The following TENM3 variants were observed in gnomAD, a reference collection of about 807,000 sequenced individuals.
TENM3 encodes the protein teneurin transmembrane protein 3.
TENM3 carries 63 observed loss-of-function variants against 255.1 expected under a neutral mutation model. The ratio of observed to expected loss-of-function variants is 0.25; its 90% CI spans 0.20 to 0.30. The LOEUF (loss-of-function observed/expected upper bound fraction) is 0.30. TENM3 is among the 10% of genes least tolerant of loss of function. TENM3 has a pLI of 1.00. For missense variants in TENM3, 2,929 were observed against 3,461.1 expected (o/e 0.85, Z 3.86); for synonymous variants, 1,306 against 1,322.3 (o/e 0.99, Z 0.27).
intron 3 of TENM3, among the ~76,000 whole-genome samples, chr4:182,539,139 A>G (rs1414130266): frequency 6.6e-6 from 1 of 151,156 alleles, no homozygotes; most frequent in East Asian, 2.0e-4. Flanking sequence ...GTGGCTTAGT[A>G]AAGGGACAAG....
At chr4:181,714,399 C>T in the TENM3 span, among the ~76,000 whole-genome samples, 1 of 152,148 alleles carries the variant, frequency 6.6e-6, no homozygotes, top group South Asian at 2.1e-4. Context: ...GCTATGTTCA[C>T]ACCACTGCAC....
chr4:182,222,639 A>G (rs947604012), intron 1 of TENM3, among the ~76,000 whole-genome samples: 1 of 152,248 alleles, frequency 6.6e-6, no homozygotes, highest in Non-Finnish European at 1.5e-5. Context: ...GAAATCGTGC[A>G]TCATCATAAG....
chr4:181,703,921 A>G, the TENM3 span, among the ~76,000 whole-genome samples: 5 of 152,150 alleles, frequency 3.3e-5, no homozygotes, highest in Non-Finnish European at 7.4e-5. Context: ...CGCTTGCATA[A>G]GAAATATAAC....
chr4:182,154,158 A>G (rs1248328054), intron 1 of TENM3, among the ~76,000 whole-genome samples: 1 of 151,942 alleles, frequency 6.6e-6, no homozygotes, highest in African/African-American at 2.4e-5. Flanking sequence ...TTTCCTTAAA[A>G]GAAAGATCTC....
the TENM3 span, among the ~76,000 whole-genome samples, chr4:181,678,230 A>C: frequency 6.6e-6 from 1 of 152,252 alleles, no homozygotes; most frequent in Non-Finnish European, 1.5e-5. Context: ...GAATTGTAAT[A>C]ACTTTTTTGA....
the TENM3 span, among the ~76,000 whole-genome samples, chr4:182,016,462 G>A: frequency 2.4e-4 from 37 of 152,258 alleles, no homozygotes; most frequent in Non-Finnish European, 4.4e-4. Context: ...TGAACCTACC[G>A]TCCCCAGTGA....
chr4:182,146,256 C>T (rs1378591145), intron 1 of TENM3, among the ~76,000 whole-genome samples: 1 of 152,126 alleles, frequency 6.6e-6, no homozygotes, highest in Non-Finnish European at 1.5e-5. Flanking sequence ...TCTAAAACTT[C>T]GAGCATGTAT....
the TENM3 span, among the ~76,000 whole-genome samples, chr4:181,627,771 T>C: frequency 6.6e-6 from 1 of 152,238 alleles, no homozygotes; most frequent in Admixed American, 6.5e-5. Context: ...GTCTTTGCTA[T>C]TGTGAATAGT....
At chr4:182,454,936 C>T (rs1382683764) in intron 3 of TENM3, among the ~76,000 whole-genome samples, 1 of 152,124 alleles carries the variant, frequency 6.6e-6, no homozygotes, top group Non-Finnish European at 1.5e-5. Context: ...TGGAGTTTAG[C>T]GTATGCTTCA....
chr4:181,939,100 A>G, the TENM3 span, among the ~76,000 whole-genome samples: 1 of 152,232 alleles, frequency 6.6e-6, no homozygotes, highest in African/African-American at 2.4e-5. Context: ...GAAGATAATA[A>G]TTATAACAGT....
chr4:181,683,511 T>G, the TENM3 span, among the ~76,000 whole-genome samples: 1,744 of 152,250 alleles, frequency 0.011, 34 homozygotes, highest in African/African-American at 0.04. Flanking sequence ...GTAAGTCTAG[T>G]GGGGGGGCCA....
chr4:181,882,595 T>C, the TENM3 span, among the ~76,000 whole-genome samples: 2 of 152,196 alleles, frequency 1.3e-5, no homozygotes, highest in Non-Finnish European at 2.9e-5. Context: ...TGACCCTCGT[T>C]AGTTAGACTT....
intron 3 of TENM3, among the ~76,000 whole-genome samples, chr4:182,453,744 A>G (rs1310266064): frequency 1.3e-5 from 2 of 152,168 alleles, no homozygotes; most frequent in African/African-American, 4.8e-5. Context: ...GACCTGTAAA[A>G]TGTAATCTGG....
the TENM3 span, among the ~76,000 whole-genome samples, chr4:181,793,633 T>G: frequency 2.6e-5 from 4 of 152,186 alleles, no homozygotes; most frequent in African/African-American, 9.7e-5. Context: ...GCTAAAGAAC[T>G]CAATTTCCAA....
At chr4:181,894,848 G>A in the TENM3 span, among the ~76,000 whole-genome samples, 1 of 152,104 alleles carries the variant, frequency 6.6e-6, no homozygotes. Context: ...TCCAGTTATG[G>A]ACGTCACTGG....
the TENM3 span, among the ~76,000 whole-genome samples, chr4:181,764,805 C>G: frequency 6.6e-6 from 1 of 152,138 alleles, no homozygotes; most frequent in African/African-American, 2.4e-5. Context: ...ATCCTCCCAC[C>G]TCAGCCCCCT....
At chr4:182,564,775 A>G (rs1743598770) in intron 3 of TENM3, among the ~76,000 whole-genome samples, 1 of 152,156 alleles carries the variant, frequency 6.6e-6, no homozygotes, top group Non-Finnish European at 1.5e-5. Flanking sequence ...GTTGATCTGC[A>G]GTAACTCCTG....
chr4:182,745,328 G>A (rs911374953), intron 19 of TENM3, among the ~76,000 whole-genome samples: 3 of 152,168 alleles, frequency 2.0e-5, no homozygotes, highest in Non-Finnish European at 4.4e-5. Flanking sequence ...GATACTGAGC[G>A]TGCAAAGCTC....
At chr4:182,759,140 G>A (rs1419588888) in intron 22 of TENM3, among the ~76,000 whole-genome samples, 1 of 152,172 alleles carries the variant, frequency 6.6e-6, no homozygotes, top group Non-Finnish European at 1.5e-5. Flanking sequence ...ACAAACTTGA[G>A]TGTACCATTA....
Sources: gnomAD v4.1 joint callset for allele counts (sites outside exome capture counted in the v4.1 genomes callset) on GRCh38, gnomAD v4.1.1 for gene constraint, MANE v1.5 for transcripts, NCBI Gene and HGNC (gene_info 2026-07-23, HGNC 2026-07-21) for gene names.